Variants in ZMYND8 observed in about 807,000 individuals in gnomAD.
ZMYND8 encodes zinc finger MYND-type containing 8, also known as MYND-type zinc finger-containing chromatin reader ZMYND8.
A neutral mutation model predicts 140.8 loss-of-function variants in ZMYND8; 37 were observed. That is an observed-to-expected ratio of 0.26 (90% CI 0.20 to 0.35). ZMYND8 has a LOEUF of 0.35. Among genes scored for constraint, ZMYND8 ranks in the 10% least tolerant of loss-of-function variants. The pLI is 1.00. For synonymous variants in ZMYND8, 592 were observed against 597.1 expected (o/e 0.99, Z 0.12); for missense variants, 1,068 against 1,570.0 (o/e 0.68, Z 5.40).
At chr20:47,215,513 T>C (rs925381253) in intron 21 of ZMYND8, among the ~76,000 whole-genome samples, 3 of 150,944 alleles carry the variant, frequency 2.0e-5, no homozygotes, top group Non-Finnish European at 4.4e-5. Context: ...ACAACTTTTT[T>C]TTTTTTTTTT....
chr20:47,242,662 C>T (rs1311836556), intron 14 of ZMYND8, among the ~76,000 whole-genome samples: 5 of 152,216 alleles, frequency 3.3e-5, no homozygotes, highest in Admixed American at 6.5e-5. Context: ...GCCAGCAGGG[C>T]GGAGGGGTTA....
At chr20:47,287,484 C>T (rs2076995352) in intron 7 of ZMYND8, among the ~76,000 whole-genome samples, 200 bp from the exon 8 acceptor site, 1 of 152,122 alleles carries the variant, frequency 6.6e-6, no homozygotes, top group South Asian at 2.1e-4. Flanking sequence ...CTCTTTGGCG[C>T]CTCGATGTCA....
chr20:47,244,872 C>T (rs1030143497), intron 14 of ZMYND8, among the ~76,000 whole-genome samples: 1 of 152,174 alleles, frequency 6.6e-6, no homozygotes, highest in African/African-American at 2.4e-5. Flanking sequence ...GCCTGGCCAA[C>T]ATGGTGAAAC....
At chr20:47,258,612 C>T (rs1379873552) in intron 12 of ZMYND8, among the ~76,000 whole-genome samples, 1 of 152,106 alleles carries the variant, frequency 6.6e-6, no homozygotes, top group African/African-American at 2.4e-5. Flanking sequence ...GTAATTCTGC[C>T]TTTTCTGATA....
intron 2 of ZMYND8, among the ~76,000 whole-genome samples, chr20:47,327,226 G>A (rs1334194636): frequency 6.6e-6 from 1 of 151,944 alleles, no homozygotes; most frequent in African/African-American, 2.4e-5. Flanking sequence ...ATGTTGGCCA[G>A]GCTGGTCTCC....
intron 2 of ZMYND8, among the ~76,000 whole-genome samples, chr20:47,330,694 AACAG>A (rs2080869654): frequency 6.6e-6 from 1 of 152,168 alleles, no homozygotes; most frequent in Non-Finnish European, 1.5e-5. Flanking sequence ...CTTTGCAGAG[AACAG>A]ACACTTGAGC....
In ZMYND8 at chr20:47,286,972, G is replaced by A. The variant is rs139953950; in HGVS notation, c.804+257C>T. Among the ~76,000 whole-genome samples, 1,452 of 152,268 alleles carry A rather than the reference G, an allele frequency of 9.5e-3. 9 individuals carry two copies. The highest frequency in any genetic ancestry group is 0.024 in the Middle Eastern group (7 of 294). ...CAATCAGGAAAAGACAGGAGGCCCG[G>A]TGCTTACTGGTGACTCAAGGGTAAA... On this transcript the variant is annotated intron_variant, in intron 8 of 22. Transcript: ENST00000471951.
At chr20:47,227,304 C>A in intron 17 of ZMYND8, 23 bp from the exon 18 acceptor site, 2 of 1,613,112 alleles carry the variant, frequency 1.2e-6, no homozygotes, top group Non-Finnish European at 1.7e-6. Flanking sequence ...GAGTGAGCGT[C>A]TTCAAAAGCT....
At chr20:47,288,251 T>C (rs938889683) in intron 7 of ZMYND8, among the ~76,000 whole-genome samples, 2 of 152,190 alleles carry the variant, frequency 1.3e-5, no homozygotes, top group Non-Finnish European at 2.9e-5. Context: ...TTCTCCATGA[T>C]CCACAGCACA....
Position 47,298,991 on chromosome 20 carries a change from T to A in ZMYND8, c.235-44A>T. 6.3e-7 allele frequency: 1 copy of A among 1,578,862 alleles called. No individual in the cohort carries two copies. Among genetic ancestry groups the A allele is most frequent in the Non-Finnish European group, 8.7e-7 (1 of 1,148,752 alleles). On this transcript the variant is annotated intron_variant, in intron 3 of 22. Coordinates refer to ENST00000471951, the MANE Select transcript of ZMYND8 (RefSeq NM_001281775.3). The surrounding 1 kb of genome is among the most constrained non-coding windows in gnomAD (Gnocchi z 5.0). Reference sequence around the variant, plus strand: ...GACAGGTTTGGTTTCAAAACAAATGTGCATTCTCAAAAGGAATTTGAACAA... The same window carrying A: ...GACAGGTTTGGTTTCAAAACAAATGAGCATTCTCAAAAGGAATTTGAACAA...
chr20:47,266,276 G>T (rs572314489), intron 11 of ZMYND8, among the ~76,000 whole-genome samples: 5 of 142,480 alleles, frequency 3.5e-5, no homozygotes, highest in East Asian at 2.4e-4. Context: ...TTTGTTTTTG[G>T]GGGGGAGGGG....
intron 11 of ZMYND8, among the ~76,000 whole-genome samples, chr20:47,270,373 CA>C (rs10659368): frequency 1.3e-4 from 6 of 46,476 alleles, no homozygotes; most frequent in Admixed American, 2.4e-4. Context: ...AACTCCATCT[CA>C]AAAAAAAAAA....
chr20:47,289,010 G>A (rs983729512), intron 7 of ZMYND8, among the ~76,000 whole-genome samples: 2 of 152,134 alleles, frequency 1.3e-5, no homozygotes, highest in African/African-American at 2.4e-5. Flanking sequence ...GCTGAGGAAC[G>A]AGAATCGCTT....
At chr20:47,336,814 G>A (rs1040517823) in intron 2 of ZMYND8, among the ~76,000 whole-genome samples, 2 of 152,184 alleles carry the variant, frequency 1.3e-5, no homozygotes, top group African/African-American at 4.8e-5. Context: ...CACAGCGGAT[G>A]AGCCATATTC....
At chr20:47,222,202 G>C (rs1249168468) in intron 19 of ZMYND8, among the ~76,000 whole-genome samples, 1 of 152,226 alleles carries the variant, frequency 6.6e-6, no homozygotes, top group East Asian at 1.9e-4. Flanking sequence ...CAGAGGCCCA[G>C]AGAATCTGGA....
intron 8 of ZMYND8, among the ~76,000 whole-genome samples, chr20:47,285,079 C>A (rs1569096001): frequency 6.6e-6 from 1 of 152,122 alleles, no homozygotes; most frequent in Non-Finnish European, 1.5e-5. Flanking sequence ...ATTCCTTACA[C>A]CTCATGAGAT....
intron 5 of ZMYND8, among the ~76,000 whole-genome samples, chr20:47,293,153 AGGGAGGGAGGGAGGGAGGGAGGG>A (rs1569119163): frequency 4.2e-5 from 2 of 47,668 alleles, no homozygotes; most frequent in African/African-American, 2.2e-4. Flanking sequence ...GAAGGAAGGG[AGGGAGGGAGGGAGGGAGGGAGGG>A]AGGGAGGGAG....
chr20:47,212,529 G>T, intron 22 of ZMYND8, 113 bp downstream of exon 22: 1 of 1,235,624 alleles, frequency 8.1e-7, no homozygotes, highest in Non-Finnish European at 1.2e-6. Context: ...CAACTCAAAA[G>T]AACAGGAGAA....
chr20:47,336,606 G>A (rs996844414), intron 2 of ZMYND8, among the ~76,000 whole-genome samples: 2 of 152,204 alleles, frequency 1.3e-5, no homozygotes, highest in Non-Finnish European at 2.9e-5. Flanking sequence ...TCTGACTCAC[G>A]CATGGTGAGG....
Sources: gnomAD v4.1 joint callset for allele counts (sites outside exome capture counted in the v4.1 genomes callset) on GRCh38, gnomAD v4.1.1 for gene constraint, Gnocchi (gnomAD v3.1) non-coding constraint, MANE v1.5 for transcripts, NCBI Gene and HGNC (gene_info 2026-07-23, HGNC 2026-07-21) for gene names.